ACTR3C: variants seen among roughly 807,000 people sequenced by gnomAD.
ACTR3C encodes actin related protein 3C, also known as actin-related protein 3C.
Under a neutral mutation model 26.3 loss-of-function variants are expected in ACTR3C, and 18 were observed. The observed-to-expected ratio is 0.68, with a 90% CI of 0.47 to 1.01. ACTR3C has a LOEUF of 1.01. Ranked by LOEUF, ACTR3C falls within the 50% of genes least tolerant of loss-of-function variation. ACTR3C has a pLI of 0.00. For missense variants in ACTR3C, 184 were observed against 250.7 expected, an observed-to-expected ratio of 0.73 and a Z score of 1.80; for synonymous variants, 55 against 94.5, an observed-to-expected ratio of 0.58 and a Z score of 2.42.
At chr7:149,923,716 G>A in the ACTR3C span, among the ~76,000 whole-genome samples, 1 of 152,164 alleles carries the variant, frequency 6.6e-6, no homozygotes, top group African/African-American at 2.4e-5. Flanking sequence ...ACAAATGTGA[G>A]CCCAGGCATG....
chr7:150,036,086 C>A, the ACTR3C span, among the ~76,000 whole-genome samples: 96 of 132,956 alleles, frequency 7.2e-4, 9 homozygotes, highest in Admixed American at 1.5e-3. Flanking sequence ...GGTGCTCCCC[C>A]CCCTGCGATG....
At chr7:150,207,568 G>A in the ACTR3C span, among the ~76,000 whole-genome samples, 1 of 151,826 alleles carries the variant, frequency 6.6e-6, no homozygotes, top group Non-Finnish European at 1.5e-5. Flanking sequence ...ATTAGCTTTT[G>A]ACCATAAGTG....
the ACTR3C span, among the ~76,000 whole-genome samples, chr7:150,184,651 C>T: frequency 6.6e-6 from 1 of 150,586 alleles, no homozygotes; most frequent in African/African-American, 2.5e-5. Flanking sequence ...TTCTCCAGCA[C>T]ATCTGTACTT....
the ACTR3C span, among the ~76,000 whole-genome samples, chr7:149,908,560 C>T: frequency 1.1e-4 from 17 of 152,200 alleles, no homozygotes; most frequent in Non-Finnish European, 8.8e-5. Context: ...CAAGCACCTT[C>T]TCTCCAGCTG....
At chr7:150,257,608 G>A (rs1182418199) in intron 6 of ACTR3C, among the ~76,000 whole-genome samples, 1 of 152,154 alleles carries the variant, frequency 6.6e-6, no homozygotes. Flanking sequence ...AGCACTCCTG[G>A]GATTAGAAAT....
intron 1 of ACTR3C, among the ~76,000 whole-genome samples, chr7:150,298,474 C>G (rs1224858330): frequency 6.7e-6 from 1 of 149,296 alleles, no homozygotes; most frequent in East Asian, 1.9e-4. Context: ...AAATCCCAGC[C>G]TTCCACTTTA....
At chr7:149,928,543 A>G in the ACTR3C span, among the ~76,000 whole-genome samples, 141,263 of 151,940 alleles carry the variant, frequency 0.93, 66,149 homozygotes, top group Non-Finnish European at 0.99. Context: ...ATGAAGACAT[A>G]TCTAAAGAAT....
intron 1 of ACTR3C, among the ~76,000 whole-genome samples, chr7:150,298,139 G>C (rs1042664879): frequency 2.3e-4 from 35 of 150,916 alleles, no homozygotes; most frequent in Non-Finnish European, 1.2e-4. Flanking sequence ...GGGGAGGCAA[G>C]AACATGTGGC....
chr7:150,109,543 T>C, the ACTR3C span, among the ~76,000 whole-genome samples: 37 of 151,602 alleles, frequency 2.4e-4, no homozygotes, highest in South Asian at 6.2e-4. Context: ...CCCATCCATC[T>C]ACTCAGCCTG....
chr7:150,012,353 C>A, the ACTR3C span, among the ~76,000 whole-genome samples: 1 of 135,034 alleles, frequency 7.4e-6, no homozygotes, highest in Admixed American at 7.8e-5. Context: ...CTCGCTCTGT[C>A]GCCCAGGCTG....
At chr7:150,287,541 C>G (rs1440490476) in intron 4 of ACTR3C, among the ~76,000 whole-genome samples, 2 of 152,208 alleles carry the variant, frequency 1.3e-5, no homozygotes, top group East Asian at 3.9e-4. Context: ...CCCCCAGATA[C>G]TTGCTGCCTA....
At chr7:150,229,251 G>T in the ACTR3C span, among the ~76,000 whole-genome samples, 1 of 151,956 alleles carries the variant, frequency 6.6e-6, no homozygotes, top group Non-Finnish European at 1.5e-5. Flanking sequence ...GAAGCAACTT[G>T]TCTTGCTCTT....
the ACTR3C span, among the ~76,000 whole-genome samples, chr7:149,988,348 T>A: frequency 6.6e-6 from 1 of 152,214 alleles, no homozygotes; most frequent in East Asian, 1.9e-4. Flanking sequence ...CATGGAAGGA[T>A]ATCTGCTTGT....
intron 6 of ACTR3C, among the ~76,000 whole-genome samples, chr7:150,270,541 G>A (rs534737499): frequency 8.1e-4 from 122 of 150,088 alleles, no homozygotes; most frequent in Non-Finnish European, 1.4e-3. Flanking sequence ...TCTCGGTCAC[G>A]TGGCATCCAC....
chr7:150,037,201 A>C, the ACTR3C span, among the ~76,000 whole-genome samples: 2,116 of 40,826 alleles, frequency 0.052, 865 homozygotes, highest in Non-Finnish European at 0.07. Context: ...GGAAGAGGGG[A>C]TAGCTCTCAG....
At chr7:149,922,836 G>A in the ACTR3C span, among the ~76,000 whole-genome samples, 1 of 151,920 alleles carries the variant, frequency 6.6e-6, no homozygotes, top group South Asian at 2.1e-4. Context: ...AGCTTTTATG[G>A]CAGTTGTAAG....
chr7:150,287,181 A>G (rs1342976858), intron 4 of ACTR3C, among the ~76,000 whole-genome samples: 3 of 151,626 alleles, frequency 2.0e-5, no homozygotes, highest in Non-Finnish European at 4.4e-5. Flanking sequence ...TTTATTGTCT[A>G]GGCACTTGGG....
the ACTR3C span, among the ~76,000 whole-genome samples, chr7:150,159,128 A>G: frequency 6.6e-6 from 1 of 152,202 alleles, no homozygotes; most frequent in Non-Finnish European, 1.5e-5. Flanking sequence ...AAAACACCAT[A>G]TCGCGCACCC....
the ACTR3C span, chr7:150,047,544 C>T: frequency 2.1e-6 from 2 of 950,348 alleles, no homozygotes; most frequent in Non-Finnish European, 2.5e-6. Context: ...CCCCGGCCGA[C>T]GCGTCTCGCT....
Sources: gnomAD v4.1 joint callset for allele counts (sites outside exome capture counted in the v4.1 genomes callset) on GRCh38, gnomAD v4.1.1 for gene constraint, MANE v1.5 for transcripts, NCBI Gene and HGNC (gene_info 2026-07-23, HGNC 2026-07-21) for gene names.